KATNIP: variants seen among roughly 807,000 people sequenced by gnomAD.
KATNIP encodes katanin-interacting protein.
Under a neutral mutation model 174.0 loss-of-function variants are expected in KATNIP, and 126 were observed. The ratio of observed to expected loss-of-function variants is 0.72; its 90% CI spans 0.63 to 0.84. The LOEUF (loss-of-function observed/expected upper bound fraction) is 0.84, where lower values mean the gene tolerates loss of function less well. Ranked by LOEUF, KATNIP falls within the 40% of genes least tolerant of loss-of-function variation. The pLI is 0.00. For missense variants in KATNIP, 1,958 were observed against 2,109.7 expected, an observed-to-expected ratio of 0.93 and a Z score of 1.41; for synonymous variants, 810 against 835.7, an observed-to-expected ratio of 0.97 and a Z score of 0.53.
intron 14 of KATNIP, among the ~76,000 whole-genome samples, chr16:27,729,802 C>T (rs1229427761): frequency 6.6e-6 from 1 of 152,192 alleles, no homozygotes; most frequent in Non-Finnish European, 1.5e-5. Flanking sequence ...CTTCCCTTTG[C>T]CCCTCACTGT....
At position 27,747,018 on chromosome 16, in the gene KATNIP, G is replaced by A. The variant is rs181346017; in HGVS notation, c.2624-2566G>A. ...ATTGGAATTGAAGGATGGTGCCTAG[G>A]GAAGAGACGGCAGAACTTGACCTGT... On this transcript the variant is annotated intron_variant, in intron 15 of 27. Coordinates refer to ENST00000261588, the MANE Select transcript of KATNIP (RefSeq NM_015202.5). Among the ~76,000 whole-genome samples, 77 of 152,338 alleles carry A rather than the reference G, an allele frequency of 5.1e-4. 1 individual carries two copies. Among genetic ancestry groups the A allele is most frequent in the African/African-American group, 1.8e-3 (75 of 41,570 alleles).
At chr16:27,639,915 GACCT>G (rs142185391) in intron 5 of KATNIP, among the ~76,000 whole-genome samples, 3,324 of 152,276 alleles carry the variant, frequency 0.022, 136 homozygotes, top group African/African-American at 0.076. Context: ...CCCAACCCTA[GACCT>G]ACCTTTGTCA....
Position 27,570,607 on chromosome 16 carries a change from G to A in KATNIP, c.8-3294G>A, listed in dbSNP as rs4399541. Among the ~76,000 whole-genome samples, 514 of 152,160 alleles carry A rather than the reference G, an allele frequency of 3.4e-3. 2 individuals are homozygous for A. Among genetic ancestry groups the A allele is most frequent in the Middle Eastern group, 0.01 (3 of 294 alleles). On this transcript the variant is annotated intron_variant, in intron 1 of 27. Coordinates refer to ENST00000261588, the MANE Select transcript of KATNIP (RefSeq NM_015202.5). ...ATACATAAATAAAAAGGGAAAACTT[G>A]ATAAAGAAGGCATGCAAGAATTGGG...
chr16:27,717,005 G>A (rs995520939), intron 13 of KATNIP, among the ~76,000 whole-genome samples: 4 of 152,054 alleles, frequency 2.6e-5, no homozygotes, highest in East Asian at 3.9e-4. Context: ...CACCACACCC[G>A]GCTAATTTTT....
chr16:27,674,899 C>T (rs1178090993), intron 6 of KATNIP, among the ~76,000 whole-genome samples: 1 of 152,192 alleles, frequency 6.6e-6, no homozygotes, highest in African/African-American at 2.4e-5. Context: ...ATCTAAGTCT[C>T]GTCAGCTCAA....
intron 6 of KATNIP, among the ~76,000 whole-genome samples, chr16:27,674,919 A>G (rs2078058727): frequency 6.6e-6 from 1 of 152,132 alleles, no homozygotes; most frequent in African/African-American, 2.4e-5. Flanking sequence ...AAACTCCAAA[A>G]TCTCATCATC....
chr16:27,777,002 AC>A lies in KATNIP; in HGVS notation c.4528del (p.His1510IlefsTer4), dbSNP rs1206125317. The part of the protein sequence containing the change: ...MIKLWNYAKT[P>X]HRGVKEFGLL... The stretch of plus-strand genomic sequence containing the variant: ...TCAAACTGTGGAATTATGCGAAAAC[AC>A]CCCATCGAGGGGTGAAGGAGTTTGG... On this transcript the variant is annotated frameshift_variant, in exon 25 of 28. Coordinates refer to ENST00000261588, the MANE Select transcript of KATNIP (RefSeq NM_015202.5). LOFTEE classifies it high-confidence loss of function. The surrounding 1 kb of genome is among the most constrained non-coding windows in gnomAD (Gnocchi z 4.4). The A allele has an allele frequency of 6.2e-7, 1 of 1,613,230 alleles. No individual in the cohort carries two copies. The highest frequency in any genetic ancestry group is 8.5e-7 in the Non-Finnish European group (1 of 1,179,332).
At chr16:27,579,367 G>A (rs1307030174) in intron 2 of KATNIP, among the ~76,000 whole-genome samples, 1 of 152,194 alleles carries the variant, frequency 6.6e-6, no homozygotes, top group Non-Finnish European at 1.5e-5. Context: ...TGTGACCTTG[G>A]ACTTGAGCCC....
intron 12 of KATNIP, among the ~76,000 whole-genome samples, 159 bp downstream of exon 12, chr16:27,704,157 A>G (rs1256235031): frequency 6.6e-6 from 1 of 150,642 alleles, no homozygotes; most frequent in Non-Finnish European, 1.5e-5. Context: ...GGTATATATG[A>G]TGAAGAGCAG....
chr16:27,713,826 A>ATATATC (rs2079782921), intron 13 of KATNIP, among the ~76,000 whole-genome samples: 1 of 49,700 alleles, frequency 2.0e-5, no homozygotes, highest in African/African-American at 1.1e-4. Flanking sequence ...ATATATATAT[A>ATATATC]TATATATATA....
intron 1 of KATNIP, among the ~76,000 whole-genome samples, chr16:27,572,559 C>G (rs2090348108): frequency 1.3e-5 from 2 of 152,150 alleles, no homozygotes; most frequent in Non-Finnish European, 2.9e-5. Flanking sequence ...TCTTCTCTGT[C>G]TCTCAGAACC....
chr16:27,654,732 T>C, intron 6 of KATNIP: 2 of 1,352,006 alleles, frequency 1.5e-6, no homozygotes, highest in Non-Finnish European at 2.0e-6. Flanking sequence ...ATTCAGGATG[T>C]GATGGTAAGA....
rs191387529 is a variant in KATNIP at position 27,604,474 on chromosome 16, A to T, written c.64-13951A>T. Among the ~76,000 whole-genome samples, 13 of 152,176 alleles carry T rather than the reference A, an allele frequency of 8.5e-5. No individual in the cohort carries two copies. The East Asian group carries it at 2.3e-3, about 27-fold the overall frequency. On this transcript the variant is annotated intron_variant, in intron 2 of 27. Coordinates refer to ENST00000261588, the MANE Select transcript of KATNIP (RefSeq NM_015202.5). ...GGTCTTGAGCTCCTGGGCACAAGTG[A>T]TCCTCCTGCCTCAGCCTCCCAAAGT... is the stretch of plus-strand genomic sequence containing the variant.
At chr16:27,628,442 AC>A (rs573724539) in intron 3 of KATNIP, 202 of 542,878 alleles carry the variant, frequency 3.7e-4, no homozygotes, top group Non-Finnish European at 3.0e-5. Flanking sequence ...AGCTGCAGAA[AC>A]TTCCCTGTAG....
intron 5 of KATNIP, among the ~76,000 whole-genome samples, chr16:27,641,901 C>A (rs1345576700): frequency 6.6e-6 from 1 of 152,206 alleles, no homozygotes; most frequent in African/African-American, 2.4e-5. Context: ...GCACCCTAGG[C>A]CCTGGCCGGT....
chr16:27,612,654 G>A (rs2075924661), intron 2 of KATNIP, among the ~76,000 whole-genome samples: 1 of 152,184 alleles, frequency 6.6e-6, no homozygotes, highest in East Asian at 1.9e-4. Context: ...AGCTACTTGG[G>A]AGGCCAAGAC....
At chr16:27,720,695 G>T (rs1291856693) in intron 13 of KATNIP, among the ~76,000 whole-genome samples, 2 of 151,936 alleles carry the variant, frequency 1.3e-5, no homozygotes. Context: ...AGGGCACTTG[G>T]ATTTAACTGA....
chr16:27,655,222 A>G (rs1348722278), intron 6 of KATNIP, among the ~76,000 whole-genome samples: 2 of 75,520 alleles, frequency 2.6e-5, no homozygotes, highest in Non-Finnish European at 5.1e-5. Context: ...ATATATATAT[A>G]TATATATTTT....
chr16:27,667,018 T>C (rs551921633), intron 6 of KATNIP, among the ~76,000 whole-genome samples: 1 of 152,230 alleles, frequency 6.6e-6, no homozygotes, highest in African/African-American at 2.4e-5. Context: ...GGGACACGTA[T>C]ATTCAATAAA....
Sources: gnomAD v4.1 joint callset for allele counts (sites outside exome capture counted in the v4.1 genomes callset) on GRCh38, gnomAD v4.1.1 for gene constraint, Gnocchi (gnomAD v3.1) non-coding constraint, MANE v1.5 for transcripts, NCBI Gene and HGNC (gene_info 2026-07-23, HGNC 2026-07-21) for gene names.